Variants in MED12L observed in about 807,000 individuals in gnomAD.
The protein encoded by MED12L is mediator complex subunit 12L.
Under a neutral mutation model 281.3 loss-of-function variants are expected in MED12L, and 60 were observed. That is an observed-to-expected ratio of 0.21 (90% CI 0.17 to 0.26). MED12L has a LOEUF of 0.26. MED12L is among the 10% of genes least tolerant of loss of function. The pLI, the probability that MED12L is intolerant of heterozygous loss-of-function variation, is 1.00. For synonymous variants in MED12L, 974 were observed against 987.2 expected (o/e 0.99, Z 0.25); for missense variants, 2,146 against 2,680.9 (o/e 0.80, Z 4.41).
At chr3:151,312,563 T>G (rs1747692693) in intron 16 of MED12L, among the ~76,000 whole-genome samples, 1 of 152,142 alleles carries the variant, frequency 6.6e-6, no homozygotes, top group South Asian at 2.1e-4. Flanking sequence ...TCCAGAGAGT[T>G]TCTCTGGTGG....
At chr3:151,372,938 A>C (rs1756372792) in intron 27 of MED12L, among the ~76,000 whole-genome samples, 172 bp downstream of exon 27, 1 of 152,198 alleles carries the variant, frequency 6.6e-6, no homozygotes. Flanking sequence ...TAAAAAACTC[A>C]TGTCCATCCT....
At chr3:151,396,559 G>T (rs1324189323) in intron 39 of MED12L, among the ~76,000 whole-genome samples, 1 of 152,212 alleles carries the variant, frequency 6.6e-6, no homozygotes, top group Admixed American at 6.5e-5. Context: ...CTGGGAGGTG[G>T]AGTTTGCAGT....
chr3:151,101,367 C>T (rs980553702), intron 2 of MED12L, among the ~76,000 whole-genome samples: 6 of 152,110 alleles, frequency 3.9e-5, no homozygotes, highest in Admixed American at 3.9e-4. Flanking sequence ...TCATTATTAT[C>T]TCTTGCTTAG....
chr3:151,141,598 A>C (rs1008583367), intron 5 of MED12L, among the ~76,000 whole-genome samples: 22 of 152,268 alleles, frequency 1.4e-4, no homozygotes, highest in East Asian at 1.2e-3. Context: ...AATTAGGGAA[A>C]GTTTTCTGTA....
chr3:151,166,678 CT>C (rs796405326), intron 11 of MED12L, among the ~76,000 whole-genome samples: 597 of 141,658 alleles, frequency 4.2e-3, no homozygotes, highest in Admixed American at 4.2e-3. Context: ...GGACCTCAGT[CT>C]TTTTTTTTTT....
At chr3:151,334,590 C>T (rs1033887490) in intron 16 of MED12L, among the ~76,000 whole-genome samples, 17 of 152,086 alleles carry the variant, frequency 1.1e-4, no homozygotes, top group African/African-American at 3.9e-4. Flanking sequence ...ACTGCAACCT[C>T]GTGTGTTCAA....
At chr3:151,399,056 A>C (rs1049793984) in intron 39 of MED12L, among the ~76,000 whole-genome samples, 6 of 152,012 alleles carry the variant, frequency 3.9e-5, no homozygotes, top group African/African-American at 1.4e-4. Flanking sequence ...CTGAAAAAAA[A>C]GAACTATTTC....
At chr3:151,355,286 A>G in intron 18 of MED12L, 47 bp downstream of exon 18, 2 of 1,387,582 alleles carry the variant, frequency 1.4e-6, no homozygotes, top group Non-Finnish European at 2.0e-6. Flanking sequence ...ATTCTAATTT[A>G]CTTAAAAATT....
At chr3:151,224,446 CTT>C (rs80099332) in intron 16 of MED12L, among the ~76,000 whole-genome samples, 30 of 143,006 alleles carry the variant, frequency 2.1e-4, no homozygotes, top group East Asian at 4.0e-4. Flanking sequence ...ATGTTTAACA[CTT>C]TTTTTTTTTT....
intron 16 of MED12L, among the ~76,000 whole-genome samples, chr3:151,195,326 A>T (rs898963446): frequency 2.0e-5 from 3 of 151,630 alleles, no homozygotes; most frequent in Non-Finnish European, 2.9e-5. Flanking sequence ...AAACCCATTT[A>T]TTTTTTTCTT....
chr3:151,404,263 A>G (rs138654267), intron 39 of MED12L, among the ~76,000 whole-genome samples: 362 of 152,308 alleles, frequency 2.4e-3, no homozygotes, highest in African/African-American at 8.5e-3. Context: ...TAATGAATCT[A>G]TACTCAATCA....
chr3:151,126,345 A>T (rs923080742), intron 4 of MED12L, among the ~76,000 whole-genome samples: 43 of 152,254 alleles, frequency 2.8e-4, no homozygotes, highest in African/African-American at 9.9e-4. Flanking sequence ...TGCAGGGCCT[A>T]TATGCTGCAT....
Position 151,411,314 on chromosome 3 carries a change from ATGCCTT to A in MED12L, c.5951_5956del (p.Pro1984_Leu1985del), listed in dbSNP as rs1161064413. On this transcript the variant is annotated inframe_deletion, in exon 41 of 45. Transcript: ENST00000687756. ...GGGCTATACAATGTATGGGACACAG[ATGCCTT>A]TGCAGCAGACATCGCAGCAGCAGGC... 2 of 1,614,232 alleles carry A rather than the reference ATGCCTT, an allele frequency of 1.2e-6. No individual in the cohort carries two copies. The highest frequency in any genetic ancestry group is 2.2e-5 in the South Asian group (2 of 91,086).
At chr3:151,297,834 A>T (rs1463963279) in intron 16 of MED12L, among the ~76,000 whole-genome samples, 2 of 152,160 alleles carry the variant, frequency 1.3e-5, no homozygotes, top group Non-Finnish European at 2.9e-5. Context: ...CTCCAATCAG[A>T]ATGTCAAAAA....
intron 42 of MED12L, among the ~76,000 whole-genome samples, chr3:151,416,101 G>T (rs1215456090): frequency 6.6e-6 from 1 of 152,142 alleles, no homozygotes; most frequent in Non-Finnish European, 1.5e-5. Context: ...CGTAGGGTTG[G>T]GGTGGTCCTA....
chr3:151,091,014 C>T (rs578191242), intron 2 of MED12L, among the ~76,000 whole-genome samples: 1 of 152,278 alleles, frequency 6.6e-6, no homozygotes, highest in South Asian at 2.1e-4. Context: ...GCACTCCAGC[C>T]TGGGGGACAG....
In MED12L at chr3:151,193,573, G is replaced by C. The variant is rs190735780; in HGVS notation, c.2157G>C (p.Leu719Phe). 23 of 1,613,956 alleles carry C rather than the reference G, an allele frequency of 1.4e-5. No homozygotes were observed. The highest frequency in any genetic ancestry group is 1.7e-4 in the Middle Eastern group (1 of 6,060). The change falls in exon 16 of 45, where the codon TTG (leucine) becomes TTC (phenylalanine). Residue 719 changes from leucine to phenylalanine, a missense_variant. Leu to Phe is a conservative substitution (Grantham distance 22). Transcript: ENST00000687756. ...GRRMSVNCEK[L>F]VKREKPRELI... ...GAATGTCAGTTAATTGTGAGAAGTT[G>C]GTGAAGAGGGAAAAGCCAAGGGAAT...
intron 11 of MED12L, among the ~76,000 whole-genome samples, chr3:151,176,488 C>T (rs960289540): frequency 5.3e-5 from 8 of 152,112 alleles, no homozygotes; most frequent in African/African-American, 1.7e-4. Flanking sequence ...AATGAAATTG[C>T]TCTATGCATA....
chr3:151,326,642 A>G (rs960863665), intron 16 of MED12L: 1 of 152,194 alleles, frequency 6.6e-6, no homozygotes, highest in Non-Finnish European at 1.5e-5. Flanking sequence ...AGAAATTTAT[A>G]CAAGAGTATA....
Sources: allele counts gnomAD v4.1 joint callset (sites outside exome capture counted in the v4.1 genomes callset), GRCh38; gene constraint gnomAD v4.1.1; transcripts MANE v1.5; gene names NCBI Gene and HGNC (gene_info 2026-07-23, HGNC 2026-07-21).